The following PABPC4 variants were observed in gnomAD, a reference collection of about 807,000 sequenced individuals.
PABPC4 encodes the protein polyadenylate-binding protein 4.
In PABPC4, 15 loss-of-function variants were observed where a neutral mutation model predicts 74.5. The observed-to-expected ratio is 0.20, with a 90% CI of 0.13 to 0.31. PABPC4 has a LOEUF of 0.31. PABPC4 is among the 10% of genes least tolerant of loss of function. PABPC4 has a pLI of 1.00. For missense variants in PABPC4, 610 were observed against 853.5 expected, an observed-to-expected ratio of 0.71 and a Z score of 3.55; for synonymous variants, 345 against 303.0, an observed-to-expected ratio of 1.14 and a Z score of -1.44.
Position 39,571,272 on chromosome 1 carries a change from G to T in PABPC4, c.465C>A (p.Ile155=), listed in dbSNP as rs61743745. The T allele has an allele frequency of 1.4e-5, 23 of 1,614,074 alleles. No homozygotes were observed. Among genetic ancestry groups the T allele is most frequent in the Non-Finnish European group, 1.9e-5 (22 of 1,180,044 alleles). The part of the protein sequence containing the change: ...FETQEAADKA[I]EKMNGMLLND... ...TGAGGAGCATGCCATTCATCTTCTCGATGGCCTTGTCGGCAGCCTCTTGGG... is the reference window on the plus strand; with the variant it reads ...TGAGGAGCATGCCATTCATCTTCTCTATGGCCTTGTCGGCAGCCTCTTGGG... The change falls in exon 3 of 16, where the codon ATC becomes ATA. Residue 155 remains isoleucine (I), a synonymous_variant. Coordinates refer to ENST00000372858, the MANE Select transcript of PABPC4 (RefSeq NM_001135653.2).
chr1:39,569,388 G>T, intron 5 of PABPC4: 1 of 585,740 alleles, frequency 1.7e-6, no homozygotes, highest in Non-Finnish European at 3.1e-6. Context: ...ACTGATAGCT[G>T]AGGTGACAGG....
At chr1:39,566,192 C>CT (rs1333940574) in intron 7 of PABPC4, among the ~76,000 whole-genome samples, 11 of 152,182 alleles carry the variant, frequency 7.2e-5, no homozygotes, top group African/African-American at 2.7e-4. Flanking sequence ...CACAAAACAT[C>CT]TTGAGAGTAG....
intron 1 of PABPC4, among the ~76,000 whole-genome samples, chr1:39,574,408 A>T (rs1391699906): frequency 6.6e-6 from 1 of 152,238 alleles, no homozygotes; most frequent in Non-Finnish European, 1.5e-5. Flanking sequence ...GGCTGCACTT[A>T]TTTATAGCAG....
At chr1:39,562,437 T>G (rs186210881) in intron 12 of PABPC4, 21 bp from the exon 13 acceptor site, 1 of 1,594,906 alleles carries the variant, frequency 6.3e-7, no homozygotes, top group Non-Finnish European at 8.6e-7. Flanking sequence ...GGAAAGGCAG[T>G]GGGTTAGCAC....
At chr1:39,571,617 T>C in intron 2 of PABPC4, 1 of 528,068 alleles carries the variant, frequency 1.9e-6, no homozygotes. Flanking sequence ...AATTGGGTGC[T>C]GTGGCTCATG....
At chr1:39,563,470 A>AGGGCAGG in intron 12 of PABPC4, 144 bp downstream of exon 12, 1 of 1,060,382 alleles carries the variant, frequency 9.4e-7, no homozygotes, top group Non-Finnish European at 1.3e-6. Flanking sequence ...GAGCCCCTGA[A>AGGGCAGG]GGGCAGGGAC....
chr1:39,569,858 C>T lies in PABPC4; in HGVS notation c.643+5G>A, dbSNP rs780955015. ...TGTGAAAGGAGACAAGGAACCCCAA[C>T]TTACCAAACTGACTGAATAGCTCTT... On this transcript the variant is annotated splice_donor_5th_base_variant and intron_variant, in intron 4 of 15. Transcript: ENST00000372858. 1.2e-6 allele frequency: 2 copies of T among 1,613,764 alleles called. No homozygotes were observed. The highest frequency in any genetic ancestry group is 1.6e-4 in the Middle Eastern group (1 of 6,062).
At chr1:39,563,238 G>A (rs1645788475) in intron 12 of PABPC4, 1 of 206,106 alleles carries the variant, frequency 4.9e-6, no homozygotes, top group South Asian at 8.8e-5. Context: ...CATCCGATCT[G>A]TAAGTTGAAG....
At chr1:39,561,843 C>G in intron 14 of PABPC4, 56 bp from the exon 15 acceptor site, 1 of 1,478,478 alleles carries the variant, frequency 6.8e-7, no homozygotes, top group Non-Finnish European at 9.4e-7. Flanking sequence ...CACCCCTCCC[C>G]AGTGCCCAGA....
At chr1:39,574,315 T>TAA (rs1645985395) in intron 1 of PABPC4, among the ~76,000 whole-genome samples, 1 of 152,146 alleles carries the variant, frequency 6.6e-6, no homozygotes, top group Non-Finnish European at 1.5e-5. Context: ...TAATTAGCAG[T>TAA]AAAGGAGCCC....
In PABPC4 at chr1:39,560,977, C is replaced by A; in HGVS notation, c.*159G>T. On this transcript the variant is annotated 3_prime_UTR_variant, in exon 16 of 16. Transcript: ENST00000372858. ...AACATATTCGTATAATTGAAAAATT[C>A]TAGGTGCTTCATAATTGACCTTTTG... 1 of 348,078 alleles carries A rather than the reference C, an allele frequency of 2.9e-6. No homozygotes were observed. The highest frequency in any genetic ancestry group is 2.3e-5 in the South Asian group (1 of 43,242). The allele number at this position is 348,078 out of a possible 1,614,324, so 21.6% of individuals were successfully genotyped here.
Position 39,562,711 on chromosome 1 carries a change from T to C in PABPC4, c.1669-295A>G, listed in dbSNP as rs1356410067. On this transcript the variant is annotated intron_variant, in intron 12 of 15. Coordinates refer to ENST00000372858, the MANE Select transcript of PABPC4 (RefSeq NM_001135653.2). ...TGCTAGGCAAGCATTTTCTGACATT[T>C]CCTTAATACACCCAAAGTTACTCAA... 3 of 312,446 alleles carry C rather than the reference T, an allele frequency of 9.6e-6. No homozygotes were observed. The South Asian group carries it at 3.1e-4, about 32-fold the overall frequency. 19.4% of individuals were successfully genotyped at this position (312,446 alleles called of 1,614,324 possible).
intron 12 of PABPC4, chr1:39,562,775 T>C (rs1305372494): frequency 5.2e-6 from 1 of 190,872 alleles, no homozygotes; most frequent in African/African-American, 2.3e-5. Context: ...TAAACACTTG[T>C]ATATAACCTT....
rs1557719146 is a variant in PABPC4 at position 39,571,270 on chromosome 1, T to C, written c.467A>G (p.Glu156Gly). 1 of 1,614,176 alleles carries C rather than the reference T, an allele frequency of 6.2e-7. No homozygotes were observed. The highest frequency in any genetic ancestry group is 8.5e-7 in the Non-Finnish European group (1 of 1,180,016). The change falls in exon 3 of 16, where the codon GAG becomes GGG. Residue 156 changes from glutamate (E) to glycine (G), a missense_variant. Glu to Gly is a moderately conservative substitution (Grantham distance 98). Transcript: ENST00000372858. ...ETQEAADKAIEKMNGMLLNDR... is the reference protein window; with the variant it reads ...ETQEAADKAIGKMNGMLLNDR... Reference sequence around the variant, plus strand: ...ATTGAGGAGCATGCCATTCATCTTCTCGATGGCCTTGTCGGCAGCCTCTTG... The same window carrying C: ...ATTGAGGAGCATGCCATTCATCTTCCCGATGGCCTTGTCGGCAGCCTCTTG...
Position 39,571,297 on chromosome 1 carries a change from G to A in PABPC4, c.440C>T (p.Thr147Ile). 6.2e-7 allele frequency: 1 copy of A among 1,614,196 alleles called. No individual in the cohort carries two copies. The highest frequency in any genetic ancestry group is 8.5e-7 in the Non-Finnish European group (1 of 1,180,026). The change falls in exon 3 of 16, where the codon ACC (threonine) becomes ATC (isoleucine). Residue 147 changes from threonine to isoleucine, a missense_variant. Physicochemically the swap from Thr to Ile is moderately conservative, Grantham distance 89. Around this residue, in one of 4 missense-constraint regions of PABPC4, gnomAD observed 304 missense variants for 478.9 expected, o/e 0.63. Coordinates refer to ENST00000372858, the MANE Select transcript of PABPC4 (RefSeq NM_001135653.2). ...SKGYAFVHFE[T>I]QEAADKAIEK... is the part of the protein sequence containing the mutation. ...GATGGCCTTGTCGGCAGCCTCTTGG[G>A]TCTCGAAGTGGACAAAGGCATAACC... is the stretch of plus-strand genomic sequence containing the variant.
intron 6 of PABPC4, 143 bp from the exon 7 acceptor site, chr1:39,567,989 G>A (rs973319178): frequency 3.5e-6 from 2 of 571,192 alleles, no homozygotes; most frequent in Non-Finnish European, 6.2e-6. Context: ...CGGACGCGGT[G>A]GCTCACGCCT....
At chr1:39,564,174 G>A (rs1414986509) in intron 10 of PABPC4, 2 of 619,690 alleles carry the variant, frequency 3.2e-6, no homozygotes, top group Non-Finnish European at 5.6e-6. Context: ...TGGTCATCCA[G>A]CTAGCAAACT....
chr1:39,562,254 G>A, intron 13 of PABPC4, 51 bp from the exon 14 acceptor site: 1 of 1,612,216 alleles, frequency 6.2e-7, no homozygotes, highest in Non-Finnish European at 8.5e-7. Context: ...AGTAAACAAT[G>A]GACACTGGTG....
At position 39,576,077 on chromosome 1, in the gene PABPC4, G is replaced by A. The variant is rs918596679; in HGVS notation, c.-126C>T. The A allele has an allele frequency of 2.0e-5, 13 of 640,398 alleles. No individual in the cohort carries two copies. The highest frequency in any genetic ancestry group is 2.5e-5 in the Non-Finnish European group (10 of 398,618). The allele number at this position is 640,398 out of a possible 1,614,324, so 39.7% of individuals were successfully genotyped here. On this transcript the variant is annotated 5_prime_UTR_variant, in exon 1 of 16. Coordinates refer to ENST00000372858, the MANE Select transcript of PABPC4 (RefSeq NM_001135653.2). ...TCACAGGTGGCACCGGCGCGGCGAG[G>A]ACGAGCTGGAGTCGGCGGGCTTGGA...
Sources: allele counts gnomAD v4.1 joint callset (sites outside exome capture counted in the v4.1 genomes callset), GRCh38; gene constraint gnomAD v4.1.1; regional missense constraint gnomAD v4.1.1; transcripts MANE v1.5; gene names NCBI Gene and HGNC (gene_info 2026-07-23, HGNC 2026-07-21).